CHSY1: variants seen among roughly 807,000 people sequenced by gnomAD.
The protein encoded by CHSY1 is N-acetylgalactosaminyl-proteoglycan 3-beta-glucuronosyltransferase 1.
Under a neutral mutation model 59.8 loss-of-function variants are expected in CHSY1, and 13 were observed. That is an observed-to-expected ratio of 0.22 (90% CI 0.14 to 0.35). The LOEUF (loss-of-function observed/expected upper bound fraction) is 0.35, where lower values mean the gene tolerates loss of function less well. Ranked by LOEUF, CHSY1 falls within the 10% of genes least tolerant of loss-of-function variation. CHSY1 has a pLI of 1.00. For synonymous variants in CHSY1, 459 were observed against 401.2 expected (o/e 1.14, Z -1.72); for missense variants, 947 against 1,030.6 (o/e 0.92, Z 1.11).
intron 2 of CHSY1, among the ~76,000 whole-genome samples, chr15:101,204,403 T>C (rs1345699152): frequency 2.0e-5 from 3 of 151,116 alleles, no homozygotes; most frequent in Non-Finnish European, 2.9e-5. Context: ...CATTGCACTC[T>C]AGACTGGGCA....
At chr15:101,234,125 C>T (rs2038916929) in intron 2 of CHSY1, among the ~76,000 whole-genome samples, 1 of 152,218 alleles carries the variant, frequency 6.6e-6, no homozygotes, top group African/African-American at 2.4e-5. Context: ...TTCTCTACAA[C>T]TGCTACAGAG....
At chr15:101,216,336 A>C (rs1465123536) in intron 2 of CHSY1, among the ~76,000 whole-genome samples, 1 of 152,250 alleles carries the variant, frequency 6.6e-6, no homozygotes, top group Admixed American at 6.5e-5. Context: ...AAAGTTTGGC[A>C]GTTTCTTACA....
chr15:101,208,780 T>C (rs1350706984), intron 2 of CHSY1, among the ~76,000 whole-genome samples: 1 of 151,052 alleles, frequency 6.6e-6, no homozygotes, highest in East Asian at 1.9e-4. Flanking sequence ...TCTAAGGTGA[T>C]GTAAACATGG....
chr15:101,184,672 GA>G (rs2038330224), intron 2 of CHSY1, among the ~76,000 whole-genome samples: 1 of 151,800 alleles, frequency 6.6e-6, no homozygotes, highest in Non-Finnish European at 1.5e-5. Flanking sequence ...TAATGAAAAA[GA>G]AATCTGTTGT....
intron 2 of CHSY1, among the ~76,000 whole-genome samples, chr15:101,179,850 T>G (rs2038252521): frequency 6.6e-6 from 1 of 152,232 alleles, no homozygotes; most frequent in Non-Finnish European, 1.5e-5. Context: ...ATGGGTTCCC[T>G]CAAGTTAGGA....
chr15:101,249,515 T>A (rs1471181737), intron 1 of CHSY1, among the ~76,000 whole-genome samples: 1 of 143,566 alleles, frequency 7.0e-6, no homozygotes, highest in Admixed American at 6.8e-5. Context: ...ATAGAATTTT[T>A]TTTTTTTTTT....
chr15:101,244,186 T>C (rs536590874), intron 1 of CHSY1, among the ~76,000 whole-genome samples: 2 of 152,218 alleles, frequency 1.3e-5, no homozygotes, highest in Non-Finnish European at 2.9e-5. Context: ...CCCAATGCCA[T>C]CCGGAACCAG....
chr15:101,218,196 C>T (rs962825297), intron 2 of CHSY1, among the ~76,000 whole-genome samples: 11 of 152,144 alleles, frequency 7.2e-5, no homozygotes, highest in African/African-American at 2.7e-4. Flanking sequence ...CACAGACAGG[C>T]GACAGGAGAA....
intron 1 of CHSY1, among the ~76,000 whole-genome samples, chr15:101,245,626 C>G (rs765410831): frequency 6.6e-6 from 1 of 152,192 alleles, no homozygotes; most frequent in Admixed American, 6.5e-5. Context: ...GAAACAGTCA[C>G]GCACAATCCG....
chr15:101,227,499 A>C (rs1189813919), intron 2 of CHSY1, among the ~76,000 whole-genome samples: 1 of 152,242 alleles, frequency 6.6e-6, no homozygotes, highest in Non-Finnish European at 1.5e-5. Context: ...AAAACAGGCT[A>C]AATAAAAAGC....
intron 2 of CHSY1, among the ~76,000 whole-genome samples, chr15:101,198,283 G>A (rs2038530732): frequency 6.6e-6 from 1 of 152,174 alleles, no homozygotes; most frequent in Non-Finnish European, 1.5e-5. Flanking sequence ...CGGCAGTAAA[G>A]CAAAATGGAA....
chr15:101,202,071 T>C (rs2038579595), intron 2 of CHSY1, among the ~76,000 whole-genome samples: 1 of 152,070 alleles, frequency 6.6e-6, no homozygotes, highest in Admixed American at 6.5e-5. Flanking sequence ...TCTGGTCCTA[T>C]CAAGCTTGCC....
chr15:101,241,021 A>G (rs2038995767), intron 1 of CHSY1, among the ~76,000 whole-genome samples: 1 of 152,220 alleles, frequency 6.6e-6, no homozygotes, highest in Admixed American at 6.5e-5. Flanking sequence ...ACAAAAATAA[A>G]ATAACGTACA....
At position 101,178,386 on chromosome 15, in the gene CHSY1, C is replaced by T. The variant is rs373782542; in HGVS notation, c.1411G>A (p.Ala471Thr). 51 of 1,611,270 alleles carry T rather than the reference C, an allele frequency of 3.2e-5. No individual in the cohort carries two copies. Among genetic ancestry groups the T allele is most frequent in the Admixed American group, 1.8e-4 (11 of 59,948 alleles). ...KKMTVPVRRH[A>T]YLQQTFSKIQ... Reference sequence around the variant, plus strand: ...TTGCTGAAAGTCTGCTGTAAATACGCGTGCCTCCTCACAGGGACCGTCATT... The same window carrying T: ...TTGCTGAAAGTCTGCTGTAAATACGTGTGCCTCCTCACAGGGACCGTCATT... Residue 471 changes from alanine (A) to threonine (T), a missense_variant, in exon 3 of 3, where the codon GCG becomes ACG. Coordinates refer to ENST00000254190, the MANE Select transcript of CHSY1 (RefSeq NM_014918.5).
At chr15:101,208,684 G>C (rs972974976) in intron 2 of CHSY1, among the ~76,000 whole-genome samples, 2 of 143,670 alleles carry the variant, frequency 1.4e-5, no homozygotes, top group African/African-American at 5.4e-5. Flanking sequence ...CTGCACTCCA[G>C]CCTGGGTGAC....
chr15:101,209,959 G>A (rs919221844), intron 2 of CHSY1, among the ~76,000 whole-genome samples: 2 of 152,182 alleles, frequency 1.3e-5, no homozygotes, highest in African/African-American at 4.8e-5. Flanking sequence ...GACTCTTTGA[G>A]GTTACTACAA....
chr15:101,205,951 C>CAA (rs1170295420), intron 2 of CHSY1, among the ~76,000 whole-genome samples: 3 of 134,146 alleles, frequency 2.2e-5, no homozygotes, highest in East Asian at 2.1e-4. Flanking sequence ...GACTCCGTCT[C>CAA]AAAAAAAAAA....
At chr15:101,227,462 A>G (rs1232309252) in intron 2 of CHSY1, among the ~76,000 whole-genome samples, 1 of 152,232 alleles carries the variant, frequency 6.6e-6, no homozygotes, top group African/African-American at 2.4e-5. Flanking sequence ...CCATACACGC[A>G]GTGTGTGGGG....
chr15:101,213,716 C>T lies in CHSY1; in HGVS notation c.816+21366G>A, dbSNP rs568826197. On this transcript the variant is annotated intron_variant, in intron 2 of 2. Coordinates refer to ENST00000254190, the MANE Select transcript of CHSY1 (RefSeq NM_014918.5). The stretch of plus-strand genomic sequence containing the variant: ...ATTCCAAAACACTACAGCAGCACAG[C>T]AGCACAAAATATGTCTTTGTGATTA... Among the ~76,000 whole-genome samples the T allele has an allele frequency of 2.6e-5, 4 of 152,250 alleles. No homozygotes were observed. In the East Asian group the frequency reaches 5.8e-4, roughly 22 times the overall value.
Sources: gnomAD v4.1 joint callset for allele counts (sites outside exome capture counted in the v4.1 genomes callset) on GRCh38, gnomAD v4.1.1 for gene constraint, MANE v1.5 for transcripts, NCBI Gene and HGNC (gene_info 2026-07-23, HGNC 2026-07-21) for gene names.